The following SGCZ variants were observed in gnomAD, a reference collection of about 807,000 sequenced individuals.
The protein encoded by SGCZ is zeta-sarcoglycan.
Under a neutral mutation model 41.3 loss-of-function variants are expected in SGCZ, and 40 were observed. The observed-to-expected ratio is 0.97, with a 90% CI of 0.75 to 1.26. The LOEUF (loss-of-function observed/expected upper bound fraction) is 1.26. Ranked by LOEUF, SGCZ falls within the 50% of genes most tolerant of loss-of-function variation. The pLI is 0.00. For synonymous variants in SGCZ, 206 were observed against 137.5 expected (o/e 1.50, Z -3.49); for missense variants, 552 against 369.8 (o/e 1.49, Z -4.04).
rs1800494892 is a variant in SGCZ at position 14,282,875 on chromosome 8, A to T, written c.336+41228T>A. Among the ~76,000 whole-genome samples, 2 of 77,780 alleles carry T rather than the reference A, an allele frequency of 2.6e-5. 1 individual carries two copies. The highest frequency in any genetic ancestry group is 0.021 in the Middle Eastern group (2 of 94). 51.0% of individuals were successfully genotyped at this position (77,780 alleles called of 152,430 possible). ...TTTTTTTTTTTTTTTTTTGAGACGG[A>T]GTCTCACTCTGTCACCCAGGCTGGA... On this transcript the variant is annotated intron_variant, in intron 3 of 7. Coordinates refer to ENST00000382080, the MANE Select transcript of SGCZ (RefSeq NM_139167.4).
chr8:15,004,360 G>A (rs1018061365), intron 1 of SGCZ, among the ~76,000 whole-genome samples: 5 of 152,120 alleles, frequency 3.3e-5, no homozygotes, highest in Non-Finnish European at 4.4e-5. Context: ...GGATGATCCC[G>A]CAAGCCTAGG....
rs542059986 is a variant in SGCZ at position 14,729,045 on chromosome 8, T to A, written c.40-174119A>T. On this transcript the variant is annotated intron_variant, in intron 1 of 7. Coordinates refer to ENST00000382080, the MANE Select transcript of SGCZ (RefSeq NM_139167.4). ...AATGTGGTCACTAGGAATTAAGCCTTCAAGGAAGGAATCCAGTATTTAAAA... is the reference window on the plus strand; with the variant it reads ...AATGTGGTCACTAGGAATTAAGCCTACAAGGAAGGAATCCAGTATTTAAAA... Among the ~76,000 whole-genome samples, 11 of 152,304 alleles carry A rather than the reference T, an allele frequency of 7.2e-5. No homozygotes were observed. The South Asian group carries it at 2.3e-3, about 32-fold the overall frequency.
intron 1 of SGCZ, among the ~76,000 whole-genome samples, chr8:14,593,093 C>A (rs527310779): frequency 6.6e-6 from 1 of 152,100 alleles, no homozygotes; most frequent in South Asian, 2.1e-4. Flanking sequence ...CTCCTCACCC[C>A]CAAAGATGTC....
intron 1 of SGCZ, among the ~76,000 whole-genome samples, chr8:14,891,228 G>A (rs1390955953): frequency 6.6e-6 from 1 of 152,188 alleles, no homozygotes; most frequent in Non-Finnish European, 1.5e-5. Flanking sequence ...TGATGAATCT[G>A]GGCATAGTAA....
At chr8:15,180,466 C>T (rs886668768) in intron 1 of SGCZ, among the ~76,000 whole-genome samples, 4 of 152,122 alleles carry the variant, frequency 2.6e-5, no homozygotes, top group Non-Finnish European at 4.4e-5. Flanking sequence ...AATTATTCTA[C>T]ATCTGCTCTT....
chr8:14,604,787 G>C (rs754875822), intron 1 of SGCZ, among the ~76,000 whole-genome samples: 9 of 152,090 alleles, frequency 5.9e-5, no homozygotes, highest in Non-Finnish European at 7.4e-5. Context: ...TATCAAAGAA[G>C]AAATAGTCCA....
intron 1 of SGCZ, among the ~76,000 whole-genome samples, chr8:15,217,285 C>T (rs12682420): frequency 4.0e-5 from 6 of 150,998 alleles, no homozygotes; most frequent in Non-Finnish European, 7.4e-5. Context: ...GGCGTGTTGG[C>T]GGGCGCCTGT....
At chr8:14,153,195 A>G (rs928033713) in intron 5 of SGCZ, among the ~76,000 whole-genome samples, 10 of 152,304 alleles carry the variant, frequency 6.6e-5, no homozygotes, top group African/African-American at 2.4e-4. Flanking sequence ...TTCTCTCTGT[A>G]TTATTTGTTA....
At chr8:14,830,195 A>G (rs1802479469) in intron 1 of SGCZ, among the ~76,000 whole-genome samples, 1 of 152,142 alleles carries the variant, frequency 6.6e-6, no homozygotes, top group South Asian at 2.1e-4. Flanking sequence ...TTATTTGGTT[A>G]TTTAATTATT....
chr8:14,124,982 A>T lies in SGCZ; in HGVS notation c.548-16747T>A, dbSNP rs536118788. 2.0e-5 allele frequency among the ~76,000 whole-genome samples: 3 copies of T among 152,306 alleles called. No individual in the cohort carries two copies. In the South Asian group the frequency reaches 6.2e-4, roughly 32 times the overall value. On this transcript the variant is annotated intron_variant, in intron 5 of 7. Coordinates refer to ENST00000382080, the MANE Select transcript of SGCZ (RefSeq NM_139167.4). ...AAATCTATGTGCAAAAATCACAAAA[A>T]TTCCTATACACGAACAAAAGACAAG... is the stretch of plus-strand genomic sequence containing the variant.
At chr8:14,855,197 A>T (rs964785992) in intron 1 of SGCZ, among the ~76,000 whole-genome samples, 1 of 151,798 alleles carries the variant, frequency 6.6e-6, no homozygotes, top group African/African-American at 2.4e-5. Flanking sequence ...GGAATAAGGG[A>T]TGCCAACATG....
intron 2 of SGCZ, among the ~76,000 whole-genome samples, chr8:14,401,566 C>A (rs1201213682): frequency 3.3e-5 from 5 of 150,466 alleles, no homozygotes; most frequent in Non-Finnish European, 1.5e-5. Flanking sequence ...CGATAGTTTA[C>A]TGAGAATGAT....
In SGCZ at chr8:14,202,100, G is replaced by A. The variant is rs929494589; in HGVS notation, c.424+35492C>T. 2.0e-5 allele frequency among the ~76,000 whole-genome samples: 3 copies of A among 152,222 alleles called. No individual in the cohort carries two copies. The Middle Eastern group carries it at 0.01, about 518-fold the overall frequency. ...TTGCTCACCGCCTGACCTTAAAATA[G>A]GGAGAATATGCTGGATAATCCCAAT... On this transcript the variant is annotated intron_variant, in intron 4 of 7. Transcript: ENST00000382080.
At chr8:14,821,884 T>C (rs899753435) in intron 1 of SGCZ, among the ~76,000 whole-genome samples, 1 of 152,120 alleles carries the variant, frequency 6.6e-6, no homozygotes, top group African/African-American at 2.4e-5. Context: ...TCTACAGTTT[T>C]CACTCTAAAA....
At chr8:14,876,642 A>G (rs1585340629) in intron 1 of SGCZ, among the ~76,000 whole-genome samples, 2 of 152,204 alleles carry the variant, frequency 1.3e-5, no homozygotes, top group East Asian at 1.9e-4. Flanking sequence ...GGTCACTTAA[A>G]GTAACTTTTT....
At chr8:14,401,966 T>G (rs1353573353) in intron 2 of SGCZ, among the ~76,000 whole-genome samples, 1 of 151,726 alleles carries the variant, frequency 6.6e-6, no homozygotes, top group Non-Finnish European at 1.5e-5. Flanking sequence ...CCTGACTTTT[T>G]AATGATTGCC....
intron 2 of SGCZ, among the ~76,000 whole-genome samples, chr8:14,325,737 CACACACACACATATATAT>C (rs1802074431): frequency 3.2e-5 from 1 of 31,298 alleles, no homozygotes; most frequent in Non-Finnish European, 7.6e-5. Flanking sequence ...CACACACACA[CACACACACACATATATAT>C]ATATATATAT....
chr8:14,897,626 G>T (rs1805250656), intron 1 of SGCZ, among the ~76,000 whole-genome samples: 1 of 152,144 alleles, frequency 6.6e-6, no homozygotes, highest in Non-Finnish European at 1.5e-5. Context: ...AGATCATAAT[G>T]AAGTCCCTGG....
At chr8:14,598,001 TC>T (rs1287669530) in intron 1 of SGCZ, among the ~76,000 whole-genome samples, 1 of 152,166 alleles carries the variant, frequency 6.6e-6, no homozygotes, top group East Asian at 1.9e-4. Context: ...TGAACAAAAA[TC>T]TTTGAACCAC....
Sources: allele counts gnomAD v4.1 joint callset (sites outside exome capture counted in the v4.1 genomes callset), GRCh38; gene constraint gnomAD v4.1.1; transcripts MANE v1.5; gene names NCBI Gene and HGNC (gene_info 2026-07-23, HGNC 2026-07-21).